DLGAP1: variants seen among roughly 807,000 people sequenced by gnomAD.
The protein encoded by DLGAP1 is DLG associated protein 1, also known as disks large-associated protein 1.
Under a neutral mutation model 90.8 loss-of-function variants are expected in DLGAP1, and 11 were observed. That is an observed-to-expected ratio of 0.12 (90% CI 0.08 to 0.20). DLGAP1 has a LOEUF of 0.20. DLGAP1 is among the 10% of genes least tolerant of loss of function. The pLI, the probability that DLGAP1 is intolerant of heterozygous loss-of-function variation, is 1.00. For missense variants in DLGAP1, 1,050 were observed against 1,333.8 expected (o/e 0.79, Z 3.31); for synonymous variants, 558 against 540.7 (o/e 1.03, Z -0.44).
At chr18:3,968,873 C>A (rs1439598365) in intron 3 of DLGAP1, among the ~76,000 whole-genome samples, 3 of 151,884 alleles carry the variant, frequency 2.0e-5, no homozygotes, top group Non-Finnish European at 4.4e-5. Context: ...TAATTAGCAA[C>A]AAGAAGAGAA....
At chr18:4,101,341 C>T (rs55939561) in intron 2 of DLGAP1, among the ~76,000 whole-genome samples, 42,363 of 151,898 alleles carry the variant, frequency 0.28, 6,201 homozygotes, top group East Asian at 0.35. Context: ...TCCGAACACA[C>T]ACACTTATTG....
At position 3,999,872 on chromosome 18, in the gene DLGAP1, C is replaced by T. The variant is rs146552243; in HGVS notation, c.-73+5244G>A. On this transcript the variant is annotated intron_variant, in intron 3 of 12. Transcript: ENST00000315677. ...TGTCATCTAGGCTAAAGTGCAGTGG[C>T]GCCATCATAGCTCCTTGCAACCTCA... Among the ~76,000 whole-genome samples, 40 of 152,244 alleles carry T rather than the reference C, an allele frequency of 2.6e-4. No homozygotes were observed. The East Asian group carries it at 3.9e-3, about 15-fold the overall frequency.
chr18:3,540,469 C>CA (rs60740209), intron 9 of DLGAP1, among the ~76,000 whole-genome samples: 3,675 of 57,946 alleles, frequency 0.063, 329 homozygotes, highest in African/African-American at 0.14. Flanking sequence ...GGCCCTGTGT[C>CA]AAAAAAAAAA....
intron 1 of DLGAP1, among the ~76,000 whole-genome samples, chr18:4,419,802 A>G (rs965721015): frequency 6.6e-6 from 1 of 152,178 alleles, no homozygotes; most frequent in African/African-American, 2.4e-5. Context: ...GGAAAAATAG[A>G]AACATAAAAA....
chr18:3,913,842 A>G (rs1447080857), intron 3 of DLGAP1, among the ~76,000 whole-genome samples: 3 of 152,232 alleles, frequency 2.0e-5, no homozygotes, highest in African/African-American at 7.2e-5. Flanking sequence ...ATTACATGAA[A>G]CATTACAAGG....
At chr18:3,555,338 G>A (rs895079912) in intron 9 of DLGAP1, among the ~76,000 whole-genome samples, 11 of 152,140 alleles carry the variant, frequency 7.2e-5, no homozygotes, top group South Asian at 2.1e-4. Flanking sequence ...CCTGCCAACC[G>A]TTTTGGGGAT....
chr18:3,810,493 C>CT (rs2066777765), intron 5 of DLGAP1, among the ~76,000 whole-genome samples: 2 of 151,988 alleles, frequency 1.3e-5, no homozygotes, highest in Admixed American at 6.6e-5. Flanking sequence ...TGGTTCAGGG[C>CT]TATGATTCAT....
intron 10 of DLGAP1, among the ~76,000 whole-genome samples, chr18:3,532,233 A>G (rs909003509): frequency 5.3e-5 from 8 of 152,192 alleles, no homozygotes; most frequent in African/African-American, 1.9e-4. Context: ...GAAGCAGGTG[A>G]CGAGTACATG....
At chr18:3,823,037 C>T (rs1484386613) in intron 4 of DLGAP1, among the ~76,000 whole-genome samples, 1 of 152,144 alleles carries the variant, frequency 6.6e-6, no homozygotes, top group Non-Finnish European at 1.5e-5. Context: ...ATTATTCACC[C>T]ACTATTTTGA....
intron 8 of DLGAP1, among the ~76,000 whole-genome samples, chr18:3,569,528 T>C (rs1192714564): frequency 6.6e-6 from 1 of 152,022 alleles, no homozygotes; most frequent in Admixed American, 6.6e-5. Flanking sequence ...GGTAGTCACA[T>C]CCAGCTTTTA....
chr18:3,550,678 GGA>G (rs1468903765), intron 9 of DLGAP1, among the ~76,000 whole-genome samples: 3 of 151,712 alleles, frequency 2.0e-5, no homozygotes, highest in Non-Finnish European at 4.4e-5. Flanking sequence ...TGCAAGCCAG[GGA>G]GAGAGACCAC....
At chr18:3,952,246 T>C (rs1758055549) in intron 3 of DLGAP1, among the ~76,000 whole-genome samples, 1 of 152,224 alleles carries the variant, frequency 6.6e-6, no homozygotes, top group Admixed American at 6.5e-5. Flanking sequence ...GATTTTTTAC[T>C]GCTTTTATCT....
At chr18:4,073,145 G>A (rs1368408361) in intron 2 of DLGAP1, among the ~76,000 whole-genome samples, 1 of 152,194 alleles carries the variant, frequency 6.6e-6, no homozygotes, top group African/African-American at 2.4e-5. Flanking sequence ...GGAAAGAAAA[G>A]AGCTTAGAAA....
chr18:4,165,419 G>A (rs2076917356), intron 1 of DLGAP1, among the ~76,000 whole-genome samples: 1 of 152,172 alleles, frequency 6.6e-6, no homozygotes, highest in African/African-American at 2.4e-5. Flanking sequence ...GCATTCTTAT[G>A]TAAAGGAAAA....
At chr18:3,598,802 GTATT>G (rs1177621156) in intron 7 of DLGAP1, among the ~76,000 whole-genome samples, 14 of 146,108 alleles carry the variant, frequency 9.6e-5, no homozygotes, top group East Asian at 8.5e-4. Flanking sequence ...CTTAAAGACT[GTATT>G]TATTTATTTG....
intron 4 of DLGAP1, among the ~76,000 whole-genome samples, chr18:3,877,642 C>T (rs1568272969): frequency 6.6e-6 from 1 of 152,106 alleles, no homozygotes; most frequent in Non-Finnish European, 1.5e-5. Context: ...CTAGAGCTTT[C>T]GGTTGCAACT....
At chr18:4,140,933 T>G (rs2076485472) in intron 2 of DLGAP1, among the ~76,000 whole-genome samples, 1 of 151,990 alleles carries the variant, frequency 6.6e-6, no homozygotes, top group South Asian at 2.1e-4. Flanking sequence ...ATGTTATTTG[T>G]TTTTTTCTCT....
intron 1 of DLGAP1, among the ~76,000 whole-genome samples, chr18:4,403,601 AATTAT>A (rs1477997298): frequency 6.6e-6 from 1 of 152,186 alleles, no homozygotes; most frequent in Non-Finnish European, 1.5e-5. Context: ...CCAAATTATA[AATTAT>A]ATTTTAAGAA....
At chr18:4,313,311 G>T (rs1234064843) in intron 1 of DLGAP1, among the ~76,000 whole-genome samples, 2 of 152,154 alleles carry the variant, frequency 1.3e-5, no homozygotes, top group Non-Finnish European at 2.9e-5. Context: ...AGAGACCTGG[G>T]TAATGGGAGT....
Sources: gnomAD v4.1 joint callset for allele counts (sites outside exome capture counted in the v4.1 genomes callset) on GRCh38, gnomAD v4.1.1 for gene constraint, MANE v1.5 for transcripts, NCBI Gene and HGNC (gene_info 2026-07-23, HGNC 2026-07-21) for gene names.